The following CACHD1 variants were observed in gnomAD, a reference collection of about 807,000 sequenced individuals.
CACHD1 encodes the protein cache domain containing 1.
A neutral mutation model predicts 138.7 loss-of-function variants in CACHD1; 71 were observed. That is an observed-to-expected ratio of 0.51 (90% CI 0.42 to 0.62). CACHD1 has a LOEUF of 0.62. Among genes scored for constraint, CACHD1 ranks in the 20% least tolerant of loss-of-function variants. CACHD1 has a pLI of 0.00. For synonymous variants in CACHD1, 578 were observed against 591.5 expected, an observed-to-expected ratio of 0.98 and a Z score of 0.33; for missense variants, 1,389 against 1,625.3, an observed-to-expected ratio of 0.85 and a Z score of 2.50.
chr1:64,520,473 G>A (rs972212636), intron 1 of CACHD1, among the ~76,000 whole-genome samples: 1 of 152,096 alleles, frequency 6.6e-6, no homozygotes, highest in African/African-American at 2.4e-5. Context: ...CTTAGAACAC[G>A]ACCTGCCTAC....
At position 64,550,635 on chromosome 1, in the gene CACHD1, T is replaced by C. The variant is rs1557488514; in HGVS notation, c.240T>C (p.Asn80=). ...TTGTTTACACTGAGAAAATCTCAAA[T>C]GGAGAAAGTGAAGTACAGCAGGTAA... ...NSFVYTEKIS[N]GESEVQQLAK... is the part of the protein sequence containing the mutation. Residue 80 remains asparagine (N), a synonymous_variant, in exon 2 of 27, where the codon AAT becomes AAC. Coordinates refer to ENST00000651257, the MANE Select transcript of CACHD1 (RefSeq NM_020925.4). 1 of 1,611,638 alleles carries C rather than the reference T, an allele frequency of 6.2e-7. No individual in the cohort carries two copies. The highest frequency in any genetic ancestry group is 8.5e-7 in the Non-Finnish European group (1 of 1,177,824).
In CACHD1 at chr1:64,470,923, TG is replaced by T; in HGVS notation, c.184del (p.Val62SerfsTer27). 1.2e-6 allele frequency: 2 copies of T among 1,605,470 alleles called. No homozygotes were observed. The highest frequency in any genetic ancestry group is 1.7e-6 in the Non-Finnish European group (2 of 1,175,712). On this transcript the variant is annotated frameshift_variant, in exon 1 of 27. Coordinates refer to ENST00000651257, the MANE Select transcript of CACHD1 (RefSeq NM_020925.4). LOFTEE classifies it high-confidence loss of function. The surrounding 1 kb of genome is among the most constrained non-coding windows in gnomAD (Gnocchi z 5.2). ...ATGCGGAGGCTGGCGGCCGAGGAGC[TG>T]GGGGTCGTCACCATGCAGGTAAGTG... ...SQMRRLAAEE[L>X]GVVTMQRIFN...
chr1:64,495,059 T>G lies in CACHD1; in HGVS notation c.198+24117T>G, dbSNP rs186178443. ...TATGGGCATGGGTTATGAGAGGAAC[T>G]GGTATTAGTTACAGTTCGGTCAACA... On this transcript the variant is annotated intron_variant, in intron 1 of 26. Transcript: ENST00000651257. Among the ~76,000 whole-genome samples, 160 of 152,250 alleles carry G rather than the reference T, an allele frequency of 1.1e-3. 1 individual carries two copies. Among genetic ancestry groups the G allele is most frequent in the African/African-American group, 3.8e-3 (158 of 41,552 alleles).
In CACHD1 at chr1:64,649,800, A is replaced by T. The variant is rs532975079; in HGVS notation, c.1390+1766A>T. 2.1e-3 allele frequency among the ~76,000 whole-genome samples: 318 copies of T among 152,278 alleles called. 1 individual carries two copies. The highest frequency in any genetic ancestry group is 7.1e-3 in the African/African-American group (297 of 41,548). On this transcript the variant is annotated intron_variant, in intron 9 of 26. Coordinates refer to ENST00000651257, the MANE Select transcript of CACHD1 (RefSeq NM_020925.4). ...GCCACCTGTTGCCTGATACCATCCA[A>T]ATTTTGCTCCTTGGGGCCTGTGTTA...
At chr1:64,483,004 T>C (rs1380704879) in intron 1 of CACHD1, among the ~76,000 whole-genome samples, 1 of 152,218 alleles carries the variant, frequency 6.6e-6, no homozygotes, top group African/African-American at 2.4e-5. Context: ...TGGTAGACTT[T>C]GTAACTTTTT....
intron 3 of CACHD1, among the ~76,000 whole-genome samples, chr1:64,598,767 T>TA (rs1390073029): frequency 6.6e-6 from 1 of 152,076 alleles, no homozygotes; most frequent in East Asian, 1.9e-4. Flanking sequence ...ATGAATAAGA[T>TA]AATTTGTTCA....
At chr1:64,487,271 T>C (rs1469365118) in intron 1 of CACHD1, among the ~76,000 whole-genome samples, 1 of 152,168 alleles carries the variant, frequency 6.6e-6, no homozygotes, top group Non-Finnish European at 1.5e-5. Flanking sequence ...TGGCTGTCAG[T>C]TTATCCTCAG....
At chr1:64,564,849 A>G (rs943857299) in intron 2 of CACHD1, among the ~76,000 whole-genome samples, 2 of 152,082 alleles carry the variant, frequency 1.3e-5, no homozygotes, top group Non-Finnish European at 2.9e-5. Flanking sequence ...TTCTACTCCC[A>G]AACACTTTCC....
chr1:64,492,656 A>G lies in CACHD1; in HGVS notation c.198+21714A>G, dbSNP rs141505451. Reference sequence around the variant, plus strand: ...CTGTGCGGTTACTCCGCTGATCGTTAGAGTTAACGTCAGTGTAAAAGACAG... The same window carrying G: ...CTGTGCGGTTACTCCGCTGATCGTTGGAGTTAACGTCAGTGTAAAAGACAG... On this transcript the variant is annotated intron_variant, in intron 1 of 26. Transcript: ENST00000651257. Among the ~76,000 whole-genome samples the G allele has an allele frequency of 9.9e-5, 15 of 152,110 alleles. No individual in the cohort carries two copies. The East Asian group carries it at 2.4e-3, about 24-fold the overall frequency.
At chr1:64,526,791 C>A (rs1372527989) in intron 1 of CACHD1, among the ~76,000 whole-genome samples, 1 of 152,232 alleles carries the variant, frequency 6.6e-6, no homozygotes. Context: ...TTTCTTCCAT[C>A]TTCCTTTCCT....
At chr1:64,672,181 T>G (rs1265853014) in intron 17 of CACHD1, among the ~76,000 whole-genome samples, 1 of 152,228 alleles carries the variant, frequency 6.6e-6, no homozygotes, top group African/African-American at 2.4e-5. Context: ...TACCCTTGAT[T>G]TAATGCAGGC....
intron 5 of CACHD1, 136 bp downstream of exon 5, chr1:64,629,617 T>C (rs1648231528): frequency 1.8e-6 from 2 of 1,099,640 alleles, no homozygotes; most frequent in Non-Finnish European, 2.5e-6. Context: ...CTGAAATGAA[T>C]TCACCATTTA....
At chr1:64,534,531 G>T (rs1238136377) in intron 1 of CACHD1, among the ~76,000 whole-genome samples, 5 of 152,206 alleles carry the variant, frequency 3.3e-5, no homozygotes, top group Non-Finnish European at 7.3e-5. Flanking sequence ...TGAATGCTGA[G>T]CCTGAGGCTC....
At chr1:64,541,422 T>C (rs928327898) in intron 1 of CACHD1, among the ~76,000 whole-genome samples, 5 of 152,240 alleles carry the variant, frequency 3.3e-5, no homozygotes, top group Non-Finnish European at 5.9e-5. Context: ...AAATGTTTTG[T>C]AATGGACATA....
intron 1 of CACHD1, among the ~76,000 whole-genome samples, chr1:64,503,461 A>G (rs1646351162): frequency 6.6e-6 from 1 of 152,252 alleles, no homozygotes; most frequent in African/African-American, 2.4e-5. Context: ...CCTTTTAGGA[A>G]TCATCTTTGT....
chr1:64,616,008 C>T (rs1346672681), intron 4 of CACHD1, among the ~76,000 whole-genome samples: 2 of 152,146 alleles, frequency 1.3e-5, no homozygotes, highest in East Asian at 1.9e-4. Context: ...TTGGTATTGA[C>T]GTGGCTTAAC....
At chr1:64,530,588 G>A (rs1171164338) in intron 1 of CACHD1, among the ~76,000 whole-genome samples, 1 of 151,888 alleles carries the variant, frequency 6.6e-6, no homozygotes. Context: ...AAAGGAATGA[G>A]CGCCAGGTGC....
chr1:64,567,003 T>G (rs1002031811), intron 2 of CACHD1, among the ~76,000 whole-genome samples: 1 of 152,168 alleles, frequency 6.6e-6, no homozygotes, highest in Admixed American at 6.5e-5. Context: ...AGGTTTCTTG[T>G]GGAAGTTAAA....
At chr1:64,580,138 A>G (rs895922943) in intron 2 of CACHD1, among the ~76,000 whole-genome samples, 5 of 152,188 alleles carry the variant, frequency 3.3e-5, no homozygotes, top group African/African-American at 1.2e-4. Context: ...TCCTCTCTCC[A>G]TATCTAGGCC....
Sources: gnomAD v4.1 joint callset for allele counts (sites outside exome capture counted in the v4.1 genomes callset) on GRCh38, gnomAD v4.1.1 for gene constraint, Gnocchi (gnomAD v3.1) non-coding constraint, MANE v1.5 for transcripts, NCBI Gene and HGNC (gene_info 2026-07-23, HGNC 2026-07-21) for gene names.